ANO10: variants seen among roughly 807,000 people sequenced by gnomAD.
The protein encoded by ANO10 is anoctamin 10, also known as anoctamin-10.
ANO10 carries 77 observed loss-of-function variants against 74.7 expected under a neutral mutation model. The observed-to-expected ratio is 1.03, with a 90% CI of 0.86 to 1.25. The LOEUF (loss-of-function observed/expected upper bound fraction) is 1.25. Among genes scored for constraint, ANO10 ranks in the 50% most tolerant of loss-of-function variants. The pLI is 0.00. For missense variants in ANO10, 721 were observed against 778.1 expected (o/e 0.93, Z 0.87); for synonymous variants, 279 against 284.9 (o/e 0.98, Z 0.21).
chr3:43,528,816 G>A (rs187056221), intron 11 of ANO10, among the ~76,000 whole-genome samples: 126 of 151,796 alleles, frequency 8.3e-4, no homozygotes, highest in African/African-American at 2.8e-3. Flanking sequence ...AAAATCAGCT[G>A]AGCATGGTGG....
At position 43,482,510 on chromosome 3, in the gene ANO10, C is replaced by T. The variant is rs200897152; in HGVS notation, c.1798-49783G>A. The stretch of plus-strand genomic sequence containing the variant: ...CTATGTGAACTGTGAACAACTCTGC[C>T]CTTAGGAACTGCTCCCAACACAGTT... On this transcript the variant is annotated intron_variant, in intron 11 of 12. Coordinates refer to ENST00000292246, the MANE Select transcript of ANO10 (RefSeq NM_018075.5). Among the ~76,000 whole-genome samples the T allele has an allele frequency of 1.3e-4, 20 of 152,152 alleles. No individual in the cohort carries two copies. The East Asian group carries it at 3.9e-3, about 29-fold the overall frequency.
At chr3:43,451,569 T>A (rs2074874718) in intron 11 of ANO10, among the ~76,000 whole-genome samples, 1 of 150,828 alleles carries the variant, frequency 6.6e-6, no homozygotes, top group East Asian at 2.0e-4. Flanking sequence ...ATGAGGATTT[T>A]AAATCACCTT....
chr3:43,632,072 C>CAACAAAAAAA, intron 1 of ANO10, among the ~76,000 whole-genome samples: 1 of 70,282 alleles, frequency 1.4e-5, no homozygotes, highest in Non-Finnish European at 2.9e-5. Flanking sequence ...GACTCTGTCT[C>CAACAAAAAAA]AAAAAAAAAA....
intron 11 of ANO10, among the ~76,000 whole-genome samples, chr3:43,506,166 C>T (rs1263524803): frequency 3.9e-5 from 6 of 152,130 alleles, no homozygotes; most frequent in African/African-American, 1.4e-4. Flanking sequence ...TGACACAAAT[C>T]ATTCATAACG....
intron 11 of ANO10, among the ~76,000 whole-genome samples, chr3:43,508,963 G>GAAAAAA (rs71615392): frequency 6.9e-6 from 1 of 145,530 alleles, no homozygotes; most frequent in Non-Finnish European, 1.5e-5. Flanking sequence ...AAAAAGAAAA[G>GAAAAAA]AAAAAAAGAA....
chr3:43,603,089 T>C (rs559739852), intron 2 of ANO10, among the ~76,000 whole-genome samples: 66 of 152,364 alleles, frequency 4.3e-4, no homozygotes, highest in African/African-American at 1.4e-3. Flanking sequence ...TACAGTATGC[T>C]ATGATTTTCC....
intron 7 of ANO10, among the ~76,000 whole-genome samples, chr3:43,571,618 A>G (rs1236466521): frequency 3.4e-5 from 5 of 147,444 alleles, no homozygotes; most frequent in Non-Finnish European, 7.5e-5. Flanking sequence ...TCTCACTCAT[A>G]GGTGGGAACT....
rs778539546 is a variant in ANO10 at position 43,577,102 on chromosome 3, AG to A, written c.751del (p.Leu251SerfsTer6). 6.2e-7 allele frequency: 1 copy of A among 1,614,158 alleles called. No individual in the cohort carries two copies. The highest frequency in any genetic ancestry group is 8.5e-7 in the Non-Finnish European group (1 of 1,180,028). On this transcript the variant is annotated frameshift_variant, in exon 6 of 13. Coordinates refer to ENST00000292246, the MANE Select transcript of ANO10 (RefSeq NM_018075.5). LOFTEE classifies it high-confidence loss of function. ...TTCCAGAATCACCGTGGACCAGATGAGGTTGAACGAGGCAAAGATCACGTAC... is the reference window on the plus strand; with the variant it reads ...TTCCAGAATCACCGTGGACCAGATGAGTTGAACGAGGCAAAGATCACGTAC... ...DKYVIFASFN[L>X]IWSTVILELW...
intron 1 of ANO10, among the ~76,000 whole-genome samples, chr3:43,616,828 C>T (rs1159387951): frequency 6.6e-6 from 1 of 152,052 alleles, no homozygotes; most frequent in Non-Finnish European, 1.5e-5. Flanking sequence ...TGTCTGTCCC[C>T]ATATGGTAAT....
chr3:43,587,281 CA>C (rs1283319503), intron 4 of ANO10, among the ~76,000 whole-genome samples: 2 of 152,118 alleles, frequency 1.3e-5, no homozygotes, highest in Non-Finnish European at 2.9e-5. Context: ...AACCCAGAGA[CA>C]GGGGAGACTG....
intron 12 of ANO10, among the ~76,000 whole-genome samples, chr3:43,426,440 G>A (rs537994129): frequency 6.6e-6 from 1 of 152,296 alleles, no homozygotes; most frequent in East Asian, 1.9e-4. Context: ...CCTAATTTGA[G>A]GCCCCTGAGA....
At chr3:43,547,891 T>C (rs2079271263) in intron 11 of ANO10, among the ~76,000 whole-genome samples, 1 of 152,170 alleles carries the variant, frequency 6.6e-6, no homozygotes, top group African/African-American at 2.4e-5. Flanking sequence ...AATCAAGATG[T>C]AGACTGTAAT....
chr3:43,613,563 G>A (rs1024792886), intron 1 of ANO10, among the ~76,000 whole-genome samples: 1 of 152,226 alleles, frequency 6.6e-6, no homozygotes, highest in Non-Finnish European at 1.5e-5. Flanking sequence ...TTTCTGAGCA[G>A]AGGATTTTGT....
intron 1 of ANO10, among the ~76,000 whole-genome samples, chr3:43,677,057 A>G (rs1192811060): frequency 6.6e-6 from 1 of 152,214 alleles, no homozygotes; most frequent in Admixed American, 6.5e-5. Flanking sequence ...TCACAGCACT[A>G]TTCACAATAG....
chr3:43,675,241 T>C (rs927306883), intron 1 of ANO10, among the ~76,000 whole-genome samples: 1 of 152,176 alleles, frequency 6.6e-6, no homozygotes, highest in Non-Finnish European at 1.5e-5. Context: ...AAGTAGATCA[T>C]GGATTTAAAC....
In ANO10 at chr3:43,536,566, A is replaced by G. The variant is rs188411037; in HGVS notation, c.1797+13154T>C. On this transcript the variant is annotated intron_variant, in intron 11 of 12. Transcript: ENST00000292246. ...ATTAATTTCCTCTCATCAGCAAAAC[A>G]ATACTCAAGATGAGCAGCTCCTTTA... Among the ~76,000 whole-genome samples, 281 of 152,296 alleles carry G rather than the reference A, an allele frequency of 1.8e-3. 1 individual carries two copies. The highest frequency in any genetic ancestry group is 4.9e-3 in the African/African-American group (202 of 41,560).
chr3:43,685,829 G>A (rs1299876476), intron 1 of ANO10, among the ~76,000 whole-genome samples: 1 of 152,136 alleles, frequency 6.6e-6, no homozygotes, highest in Non-Finnish European at 1.5e-5. Context: ...ATATATTGAA[G>A]ATATTAAAGC....
chr3:43,525,427 C>T (rs2078152113), intron 11 of ANO10, among the ~76,000 whole-genome samples: 1 of 152,202 alleles, frequency 6.6e-6, no homozygotes, highest in East Asian at 1.9e-4. Flanking sequence ...ATCTGCATGA[C>T]TATCTGGTGC....
chr3:43,580,417 A>G lies in ANO10; in HGVS notation c.528T>C (p.Ser176=), dbSNP rs767412205. The stretch of plus-strand genomic sequence containing the variant: ...TGTCCTCAAGCTTCTTCAGGGCTTC[A>G]CTGTCATGCAGTGGAAACACCTGAA... ...IVIQVFPLHD[S]EALKKLEDTW... Residue 176 remains serine (S), a synonymous_variant, in exon 5 of 13, where the codon AGT becomes AGC. Transcript: ENST00000292246. 6.2e-6 allele frequency: 10 copies of G among 1,614,024 alleles called. No individual in the cohort carries two copies. The South Asian group carries it at 8.8e-5, about 14-fold the overall frequency.
Sources: gnomAD v4.1 joint callset for allele counts (sites outside exome capture counted in the v4.1 genomes callset) on GRCh38, gnomAD v4.1.1 for gene constraint, MANE v1.5 for transcripts, NCBI Gene and HGNC (gene_info 2026-07-23, HGNC 2026-07-21) for gene names.